The following OSBP2 variants were observed in gnomAD, a reference collection of about 807,000 sequenced individuals.
OSBP2 encodes oxysterol binding protein 2.
Under a neutral mutation model 96.0 loss-of-function variants are expected in OSBP2, and 66 were observed. That is an observed-to-expected ratio of 0.69 (90% confidence interval 0.56 to 0.84). The LOEUF (loss-of-function observed/expected upper bound fraction) is 0.84. Among genes scored for constraint, OSBP2 ranks in the 40% least tolerant of loss-of-function variants. The probability of loss-of-function intolerance (pLI) is 0.00; values close to 1 mark genes in which losing one functional copy is unlikely to be tolerated. For missense variants in OSBP2, 1,038 were observed against 1,222.7 expected (o/e 0.85, Z 2.25); for synonymous variants, 525 against 520.9 (o/e 1.01, Z -0.11).
At chr22:30,774,765 T>C (rs956011770) in intron 2 of OSBP2, among the ~76,000 whole-genome samples, 3 of 152,252 alleles carry the variant, frequency 2.0e-5, no homozygotes, top group South Asian at 4.1e-4. Context: ...TCCATGTCAA[T>C]GAGTATACAT....
rs1046531232 is a variant in OSBP2 at position 30,851,589 on chromosome 22, T to G, written c.854-18840T>G. 2.0e-5 allele frequency among the ~76,000 whole-genome samples: 3 copies of G among 152,302 alleles called. No homozygotes were observed. The South Asian group carries it at 6.2e-4, about 32-fold the overall frequency. ...CCCATATGCTTTTGGTTTCTTTTTC[T>G]TGCCTTATTGCACTGACTGGAACTT... On this transcript the variant is annotated intron_variant, in intron 2 of 13. Coordinates refer to ENST00000332585, the MANE Select transcript of OSBP2 (RefSeq NM_030758.4).
chr22:30,846,763 A>G (rs567806505), intron 2 of OSBP2, among the ~76,000 whole-genome samples: 14 of 152,158 alleles, frequency 9.2e-5, no homozygotes, highest in Non-Finnish European at 1.5e-4. Context: ...TTGATATTTC[A>G]TCATTGAACC....
chr22:30,843,032 C>T (rs1382466067), intron 2 of OSBP2, among the ~76,000 whole-genome samples: 2 of 152,208 alleles, frequency 1.3e-5, no homozygotes, highest in Non-Finnish European at 2.9e-5. Context: ...GATCCACCCA[C>T]CTCAGCCTCC....
chr22:30,889,051 G>C (rs959445585), intron 5 of OSBP2, 126 bp from the exon 6 acceptor site: 8 of 763,208 alleles, frequency 1.0e-5, no homozygotes, highest in African/African-American at 3.5e-5. Context: ...TCTACACACA[G>C]AACACACGGC....
chr22:30,806,917 C>CCAAG (rs1238162105), intron 2 of OSBP2, among the ~76,000 whole-genome samples: 2 of 152,292 alleles, frequency 1.3e-5, no homozygotes, highest in Non-Finnish European at 2.9e-5. Context: ...GTTTTTGCTT[C>CCAAG]CCTTGACTTG....
At chr22:30,787,157 A>T (rs1053216463) in intron 2 of OSBP2, among the ~76,000 whole-genome samples, 1 of 152,154 alleles carries the variant, frequency 6.6e-6, no homozygotes, top group African/African-American at 2.4e-5. Context: ...CACTGCTAAT[A>T]AAGACATACC....
intron 2 of OSBP2, among the ~76,000 whole-genome samples, chr22:30,843,457 TTGAGCAATAGGTCC>T (rs2038801282): frequency 8.7e-6 from 1 of 115,014 alleles, no homozygotes. Context: ...CCCCTCCCCC[TTGAGCAATAGGTCC>T]TGACAGTGGG....
intron 2 of OSBP2, among the ~76,000 whole-genome samples, chr22:30,757,020 G>A (rs190982445): frequency 4.5e-4 from 67 of 149,708 alleles, no homozygotes; most frequent in African/African-American, 1.6e-3. Flanking sequence ...CTCCTCAAAC[G>A]CAGGGTATCT....
intron 12 of OSBP2, among the ~76,000 whole-genome samples, chr22:30,901,354 C>G (rs1327360915): frequency 1.3e-5 from 2 of 152,080 alleles, no homozygotes; most frequent in African/African-American, 4.8e-5. Context: ...CAGGCAAAAG[C>G]CACCATGCCC....
intron 1 of OSBP2, among the ~76,000 whole-genome samples, chr22:30,730,804 A>AT (rs1569100704): frequency 1.7e-4 from 8 of 46,292 alleles, no homozygotes; most frequent in East Asian, 6.9e-4. Context: ...ATATATATAT[A>AT]TATAATTTTT....
chr22:30,887,558 G>C lies in OSBP2; in HGVS notation c.1240G>C (p.Glu414Gln). The change falls in exon 4 of 14, where the codon GAG (glutamate) becomes CAG (glutamine). Residue 414 changes from glutamate to glutamine, a missense_variant. Transcript: ENST00000332585. ...EQLAKQHNSL[E>Q]RAFHSAPGRP... ...GCTGGCGAAGCAGCACAACAGCCTC[G>C]AGCGGGCCTTCCACAGTGCCCCTGG... 6.2e-7 allele frequency: 1 copy of C among 1,613,154 alleles called. No individual in the cohort carries two copies. The highest frequency in any genetic ancestry group is 1.1e-5 in the South Asian group (1 of 91,032).
At chr22:30,805,756 C>G (rs1006573964) in intron 2 of OSBP2, among the ~76,000 whole-genome samples, 18 of 152,150 alleles carry the variant, frequency 1.2e-4, no homozygotes, top group Admixed American at 6.5e-5. Flanking sequence ...AAGGTAGGGA[C>G]TTTTCTTGGG....
At chr22:30,819,986 A>C (rs1247732186) in intron 2 of OSBP2, among the ~76,000 whole-genome samples, 1 of 152,242 alleles carries the variant, frequency 6.6e-6, no homozygotes, top group Non-Finnish European at 1.5e-5. Context: ...CGATACTCAT[A>C]ATGCCTGGTT....
chr22:30,873,623 T>C (rs772528881), intron 3 of OSBP2, among the ~76,000 whole-genome samples: 3 of 152,106 alleles, frequency 2.0e-5, no homozygotes, highest in Admixed American at 6.5e-5. Context: ...CTGACTGTGA[T>C]GTGTGCGGGG....
intron 2 of OSBP2, among the ~76,000 whole-genome samples, chr22:30,789,600 G>A (rs1263311416): frequency 1.3e-5 from 2 of 152,182 alleles, no homozygotes; most frequent in Non-Finnish European, 2.9e-5. Flanking sequence ...AAGAGCCTAC[G>A]GACAGTCCGG....
intron 2 of OSBP2, among the ~76,000 whole-genome samples, chr22:30,839,142 T>C (rs1326385141): frequency 2.1e-5 from 3 of 145,864 alleles, no homozygotes; most frequent in African/African-American, 7.7e-5. Context: ...AATGATGATT[T>C]CCAATTTCAT....
intron 1 of OSBP2, among the ~76,000 whole-genome samples, chr22:30,707,299 A>G (rs1393369445): frequency 6.6e-6 from 1 of 151,988 alleles, no homozygotes; most frequent in African/African-American, 2.4e-5. Context: ...GTTTCACCAT[A>G]TTGGCCAGGA....
intron 7 of OSBP2, 75 bp downstream of exon 7, chr22:30,889,711 C>A: frequency 7.1e-7 from 1 of 1,409,838 alleles, no homozygotes; most frequent in Non-Finnish European, 1.0e-6. Context: ...GCAGTAATGG[C>A]CTGTGTGAAG....
At chr22:30,822,071 C>T (rs1463436997) in intron 2 of OSBP2, among the ~76,000 whole-genome samples, 1 of 152,198 alleles carries the variant, frequency 6.6e-6, no homozygotes, top group Non-Finnish European at 1.5e-5. Context: ...GGCCAGGTGT[C>T]TGCAGGTGGC....
Sources: gnomAD v4.1 joint callset for allele counts (sites outside exome capture counted in the v4.1 genomes callset) on GRCh38, gnomAD v4.1.1 for gene constraint, MANE v1.5 for transcripts, NCBI Gene and HGNC (gene_info 2026-07-23, HGNC 2026-07-21) for gene names.